Variants in VWA8 observed in about 807,000 individuals in gnomAD.
VWA8 encodes von Willebrand factor A domain-containing protein 8.
A neutral mutation model predicts 241.5 loss-of-function variants in VWA8; 221 were observed. That is an observed-to-expected ratio of 0.91 (90% confidence interval 0.82 to 1.02). The LOEUF is 1.02. VWA8 is among the 50% of genes least tolerant of loss of function. The pLI is 0.00. For synonymous variants in VWA8, 852 were observed against 827.1 expected, an observed-to-expected ratio of 1.03 and a Z score of -0.52; for missense variants, 2,322 against 2,328.7, an observed-to-expected ratio of 1.00 and a Z score of 0.06.
chr13:41,654,752 G>A (rs986816431), intron 37 of VWA8, among the ~76,000 whole-genome samples: 2 of 152,128 alleles, frequency 1.3e-5, no homozygotes, highest in South Asian at 2.1e-4. Flanking sequence ...CCAATGATGC[G>A]TAAGCTGGAT....
chr13:41,590,082 C>G (rs1012501095), intron 41 of VWA8, among the ~76,000 whole-genome samples: 3 of 152,194 alleles, frequency 2.0e-5, no homozygotes, highest in African/African-American at 7.2e-5. Flanking sequence ...ATCACATCAG[C>G]TGGCCTCTTG....
intron 24 of VWA8, among the ~76,000 whole-genome samples, chr13:41,722,088 T>C (rs2045397250): frequency 6.6e-6 from 1 of 152,216 alleles, no homozygotes; most frequent in African/African-American, 2.4e-5. Flanking sequence ...TCAAAAATTA[T>C]ATACATCTAT....
At chr13:41,683,524 A>G (rs2045114812) in intron 35 of VWA8, among the ~76,000 whole-genome samples, 1 of 152,172 alleles carries the variant, frequency 6.6e-6, no homozygotes, top group African/African-American at 2.4e-5. Context: ...GGTAGTGGTT[A>G]CCCAACTGTT....
At chr13:41,896,387 A>T (rs1165499836) in intron 4 of VWA8, among the ~76,000 whole-genome samples, 1 of 152,096 alleles carries the variant, frequency 6.6e-6, no homozygotes, top group Admixed American at 6.5e-5. Flanking sequence ...ATTACTGGAT[A>T]ATCATATGTG....
intron 19 of VWA8, among the ~76,000 whole-genome samples, chr13:41,779,668 A>C (rs915366190): frequency 1.3e-5 from 2 of 152,196 alleles, no homozygotes; most frequent in African/African-American, 2.4e-5. Flanking sequence ...CTTCCTTTTC[A>C]CTAAGATGAA....
chr13:41,579,391 C>A (rs1370280075), intron 42 of VWA8, among the ~76,000 whole-genome samples: 2 of 152,186 alleles, frequency 1.3e-5, no homozygotes, highest in African/African-American at 4.8e-5. Flanking sequence ...GCTGGCTAAC[C>A]TTTCTTCAGA....
Position 41,568,121 on chromosome 13 carries a change from C to G in VWA8, c.*76G>C, listed in dbSNP as rs2044273120. On this transcript the variant is annotated 3_prime_UTR_variant, in exon 45 of 45. Transcript: ENST00000379310. ...CTGCATGGGTTCACTTCATCCATAT[C>G]TTCTTTTTTTCAGAATACTCTTTAT... 2 of 1,292,870 alleles carry G rather than the reference C, an allele frequency of 1.5e-6. No homozygotes were observed. Among genetic ancestry groups the G allele is most frequent in the Admixed American group, 3.5e-5 (2 of 56,884 alleles). The allele number at this position is 1,292,870 out of a possible 1,614,324, so 80.1% of individuals were successfully genotyped here.
At chr13:41,638,224 A>C (rs534549849) in intron 37 of VWA8, among the ~76,000 whole-genome samples, 1 of 152,348 alleles carries the variant, frequency 6.6e-6, no homozygotes, top group East Asian at 1.9e-4. Flanking sequence ...GTTTGAAAAA[A>C]TGTAAACTAG....
At chr13:41,710,911 G>A (rs975757628) in intron 26 of VWA8, among the ~76,000 whole-genome samples, 1 of 152,212 alleles carries the variant, frequency 6.6e-6, no homozygotes, top group African/African-American at 2.4e-5. Flanking sequence ...TTCTTTGTTA[G>A]AGAAGTAGCA....
chr13:41,863,455 T>TATATA (rs1566485517), intron 12 of VWA8, among the ~76,000 whole-genome samples: 3 of 87,192 alleles, frequency 3.4e-5, no homozygotes, highest in South Asian at 4.2e-4. Flanking sequence ...ATATATATAT[T>TATATA]CACACACACA....
At chr13:41,755,456 G>A (rs2045687981) in intron 21 of VWA8, among the ~76,000 whole-genome samples, 1 of 151,856 alleles carries the variant, frequency 6.6e-6, no homozygotes. Flanking sequence ...CAATAATATA[G>A]TAATGGGTAC....
chr13:41,723,579 A>C (rs1024048657), intron 24 of VWA8, among the ~76,000 whole-genome samples: 1 of 152,218 alleles, frequency 6.6e-6, no homozygotes, highest in Non-Finnish European at 1.5e-5. Context: ...TGATGGGGAA[A>C]GTAAGATAAT....
intron 2 of VWA8, chr13:41,926,690 G>T (rs1184212544): frequency 5.6e-6 from 3 of 538,920 alleles, no homozygotes; most frequent in South Asian, 1.4e-5. Flanking sequence ...CAGTTACAAG[G>T]TCAGCTACCA....
intron 42 of VWA8, among the ~76,000 whole-genome samples, chr13:41,585,198 G>A (rs1050754143): frequency 6.6e-6 from 1 of 152,080 alleles, no homozygotes; most frequent in Non-Finnish European, 1.5e-5. Context: ...ACTTTTATAA[G>A]TGAGAACTGA....
chr13:41,799,447 C>A (rs988263530), intron 17 of VWA8, among the ~76,000 whole-genome samples: 1 of 152,170 alleles, frequency 6.6e-6, no homozygotes, highest in Non-Finnish European at 1.5e-5. Context: ...CTCATGGTGA[C>A]AGTTTCTTTC....
At chr13:41,656,255 C>T (rs929317741) in intron 37 of VWA8, among the ~76,000 whole-genome samples, 1 of 152,152 alleles carries the variant, frequency 6.6e-6, no homozygotes, top group Non-Finnish European at 1.5e-5. Context: ...TTGGCTTGTG[C>T]AAAACCTATT....
chr13:41,844,482 C>T (rs1872197008), intron 12 of VWA8, among the ~76,000 whole-genome samples: 1 of 152,058 alleles, frequency 6.6e-6, no homozygotes, highest in African/African-American at 2.4e-5. Flanking sequence ...TACTAGAAGT[C>T]CTAGCCAGAG....
chr13:41,833,608 T>C, intron 12 of VWA8, 77 bp from the exon 13 acceptor site: 1 of 1,424,440 alleles, frequency 7.0e-7, no homozygotes, highest in South Asian at 1.6e-5. Context: ...TTACATGGCT[T>C]TATAGAGTCA....
At chr13:41,621,558 A>G (rs1354412921) in intron 37 of VWA8, among the ~76,000 whole-genome samples, 1 of 152,194 alleles carries the variant, frequency 6.6e-6, no homozygotes, top group Non-Finnish European at 1.5e-5. Context: ...ACTATTTAAA[A>G]ATAAATTTTA....
Sources: gnomAD v4.1 joint callset for allele counts (sites outside exome capture counted in the v4.1 genomes callset) on GRCh38, gnomAD v4.1.1 for gene constraint, MANE v1.5 for transcripts, NCBI Gene and HGNC (gene_info 2026-07-23, HGNC 2026-07-21) for gene names.